CACNA2D4: variants seen among roughly 807,000 people sequenced by gnomAD.
CACNA2D4 encodes calcium voltage-gated channel auxiliary subunit alpha2delta 4, also known as voltage-dependent calcium channel subunit alpha-2/delta-4.
In CACNA2D4, 157 loss-of-function variants were observed where a neutral mutation model predicts 163.8. The ratio of observed to expected loss-of-function variants is 0.96; its 90% CI spans 0.84 to 1.09. The LOEUF (loss-of-function observed/expected upper bound fraction) is 1.09, where lower values mean the gene tolerates loss of function less well. CACNA2D4 is among the 50% of genes least tolerant of loss of function. The probability of loss-of-function intolerance (pLI) is 0.00; values close to 1 mark genes in which losing one functional copy is unlikely to be tolerated. For synonymous variants in CACNA2D4, 598 were observed against 586.9 expected (o/e 1.02, Z -0.27); for missense variants, 1,410 against 1,479.9 (o/e 0.95, Z 0.78).
chr12:1,796,544 G>A (rs994774223), intron 35 of CACNA2D4, among the ~76,000 whole-genome samples: 9 of 152,222 alleles, frequency 5.9e-5, no homozygotes, highest in African/African-American at 2.2e-4. Flanking sequence ...GAGCCCGCTG[G>A]CTCTATCCTC....
chr12:1,837,920 G>T (rs1864918380), intron 26 of CACNA2D4, among the ~76,000 whole-genome samples: 1 of 152,210 alleles, frequency 6.6e-6, no homozygotes, highest in African/African-American at 2.4e-5. Context: ...GGCTGGGCCT[G>T]TACTGAGGCT....
rs1332877584 is a variant in CACNA2D4 at position 1,843,772 on chromosome 12, C to T, written c.2470+630G>A. Among the ~76,000 whole-genome samples the T allele has an allele frequency of 6.6e-6, 1 of 152,150 alleles. No individual in the cohort carries two copies. Among genetic ancestry groups the T allele is most frequent in the Non-Finnish European group, 1.5e-5 (1 of 68,022 alleles). On this transcript the variant is annotated intron_variant, in intron 25 of 37. Coordinates refer to ENST00000382722, the MANE Select transcript of CACNA2D4 (RefSeq NM_172364.5). The surrounding 1 kb of genome is among the most constrained non-coding windows in gnomAD (Gnocchi z 4.6). ...GCTGGGGCTGGCTGGCAGTTGGGTG[C>T]CCATCAACTCTGAGAGTCTTCCTGG...
intron 4 of CACNA2D4, among the ~76,000 whole-genome samples, 168 bp from the exon 5 acceptor site, chr12:1,908,205 G>C (rs1012668856): frequency 6.6e-6 from 1 of 152,234 alleles, no homozygotes; most frequent in African/African-American, 2.4e-5. Flanking sequence ...AGGGCGATTC[G>C]GGACAAAAAT....
intron 29 of CACNA2D4, among the ~76,000 whole-genome samples, chr12:1,808,187 C>T (rs943108137): frequency 6.6e-6 from 1 of 152,058 alleles, no homozygotes; most frequent in Non-Finnish European, 1.5e-5. Flanking sequence ...CACGTGCTCT[C>T]CAGCTTCTCT....
At chr12:1,903,386 G>C (rs1866581504) in intron 6 of CACNA2D4, among the ~76,000 whole-genome samples, 1 of 151,998 alleles carries the variant, frequency 6.6e-6, no homozygotes, top group South Asian at 2.1e-4. Context: ...AAGTTAAAAA[G>C]CTTCTGCACA....
chr12:1,877,704 A>T (rs912373334), intron 16 of CACNA2D4, among the ~76,000 whole-genome samples: 1 of 152,126 alleles, frequency 6.6e-6, no homozygotes, highest in Admixed American at 6.5e-5. Flanking sequence ...TTCTCCTAGG[A>T]CTTTAGCTCC....
intron 26 of CACNA2D4, among the ~76,000 whole-genome samples, chr12:1,838,974 G>A (rs1028456677): frequency 1.3e-5 from 2 of 152,178 alleles, no homozygotes; most frequent in African/African-American, 2.4e-5. Context: ...TGGCTGCATC[G>A]CACACGACCA....
At chr12:1,836,393 T>C (rs752969266) in intron 26 of CACNA2D4, 5 of 151,828 alleles carry the variant, frequency 3.3e-5, no homozygotes, top group Non-Finnish European at 5.9e-5. Context: ...GCAGAGGGAG[T>C]TGGCAGGCCT....
At chr12:1,796,361 G>A (rs1050625688) in intron 35 of CACNA2D4, among the ~76,000 whole-genome samples, 1 of 152,260 alleles carries the variant, frequency 6.6e-6, no homozygotes, top group African/African-American at 2.4e-5. Flanking sequence ...CACCACAGCC[G>A]TGTATACTCT....
Position 1,821,720 on chromosome 12 carries a change from A to G in CACNA2D4, c.2552-9997T>C, listed in dbSNP as rs545928647. Among the ~76,000 whole-genome samples, 4 of 152,104 alleles carry G rather than the reference A, an allele frequency of 2.6e-5. No individual in the cohort carries two copies. The South Asian group carries it at 8.3e-4, about 32-fold the overall frequency. ...GGGACAGTTGCTCTCAATCCCCCAGACCCATTTGGACAGTGCTGGAGAGAG... is the reference window on the plus strand; with the variant it reads ...GGGACAGTTGCTCTCAATCCCCCAGGCCCATTTGGACAGTGCTGGAGAGAG... On this transcript the variant is annotated intron_variant, in intron 26 of 37. Coordinates refer to ENST00000382722, the MANE Select transcript of CACNA2D4 (RefSeq NM_172364.5).
intron 2 of CACNA2D4, among the ~76,000 whole-genome samples, chr12:1,914,009 T>C (rs1260259046): frequency 6.6e-6 from 1 of 152,220 alleles, no homozygotes; most frequent in African/African-American, 2.4e-5. Context: ...AGGCGGGGCC[T>C]CAGCTGTCAT....
At chr12:1,912,656 C>T (rs890868404) in intron 3 of CACNA2D4, among the ~76,000 whole-genome samples, 1 of 152,208 alleles carries the variant, frequency 6.6e-6, no homozygotes, top group Admixed American at 6.5e-5. Context: ...TCTGTCCATC[C>T]ATTCCCAAAG....
At position 1,876,746 on chromosome 12, in the gene CACNA2D4, C is replaced by T. The variant is rs139893042; in HGVS notation, c.1720-1409G>A. On this transcript the variant is annotated intron_variant, in intron 16 of 37. Transcript: ENST00000382722. The stretch of plus-strand genomic sequence containing the variant: ...TCTTGGTCTTATTAATGACCATACT[C>T]ATCAAACAGCCCTGTCCTGCCATCT... Among the ~76,000 whole-genome samples, 31 of 152,304 alleles carry T rather than the reference C, an allele frequency of 2.0e-4. 1 individual carries two copies. The East Asian group carries it at 5.8e-3, about 28-fold the overall frequency.
rs1863353925 is a variant in CACNA2D4, at chr12:1,802,049, GTGTGTGTGTGTT to G, written c.2722-417_2722-406del. ...TGTGTGTGTGTGTGTGTGTGTGTGTGTGTGTGTGTGTTGGGTCAGATATAAAACACGTTTCTG... is the reference window on the plus strand; with the variant it reads ...TGTGTGTGTGTGTGTGTGTGTGTGTGGGGTCAGATATAAAACACGTTTCTG... On this transcript the variant is annotated intron_variant, in intron 29 of 37. Coordinates refer to ENST00000382722, the MANE Select transcript of CACNA2D4 (RefSeq NM_172364.5). This position sits in a 1 kb window ranked among gnomAD's most constrained non-coding sequence, Gnocchi z 4.7. 6.8e-6 allele frequency among the ~76,000 whole-genome samples: 1 copy of G among 146,100 alleles called. No individual in the cohort carries two copies. Among genetic ancestry groups the G allele is most frequent in the African/African-American group, 2.5e-5 (1 of 39,296 alleles).
Position 1,851,735 on chromosome 12 carries a change from G to T in CACNA2D4, c.2246+2216C>A, listed in dbSNP as rs138020632. Among the ~76,000 whole-genome samples the T allele has an allele frequency of 1.9e-4, 25 of 134,226 alleles. 1 individual carries two copies. Among genetic ancestry groups the T allele is most frequent in the Middle Eastern group, 3.8e-3 (1 of 266 alleles). The allele number at this position is 134,226 out of a possible 152,430, so 88.1% of individuals were successfully genotyped here. A position where few individuals can be genotyped will look rare whatever the true frequency, so the allele number is the denominator to read the frequency against. ...GTTATTCTTGCTTGTTCTTCCAAAT[G>T]AACTTGATAATCAGTTTATCTAGAT... On this transcript the variant is annotated intron_variant, in intron 23 of 37. Coordinates refer to ENST00000382722, the MANE Select transcript of CACNA2D4 (RefSeq NM_172364.5).
rs930496957 is a variant in CACNA2D4, at chr12:1,833,295, A to G, written c.2551+7444T>C. On this transcript the variant is annotated intron_variant, in intron 26 of 37. Coordinates refer to ENST00000382722, the MANE Select transcript of CACNA2D4 (RefSeq NM_172364.5). This position sits in a 1 kb window ranked among gnomAD's most constrained non-coding sequence, Gnocchi z 4.2. ...TGGCTGCAGCCCGCATCTTTTCGGC[A>G]GGGGGTCTAGTGCCTGCATCCAGAT... is the stretch of plus-strand genomic sequence containing the variant. Among the ~76,000 whole-genome samples, 3 of 152,148 alleles carry G rather than the reference A, an allele frequency of 2.0e-5. No individual in the cohort carries two copies. Among genetic ancestry groups the G allele is most frequent in the African/African-American group, 7.2e-5 (3 of 41,438 alleles).
At chr12:1,876,796 G>GA (rs748410656) in intron 16 of CACNA2D4, among the ~76,000 whole-genome samples, 66 of 152,184 alleles carry the variant, frequency 4.3e-4, no homozygotes, top group Admixed American at 1.0e-3. Flanking sequence ...GTTTCCTTTG[G>GA]GTGGGGCTCA....
intron 3 of CACNA2D4, among the ~76,000 whole-genome samples, chr12:1,910,281 T>C (rs1437181311): frequency 6.6e-6 from 1 of 152,192 alleles, no homozygotes; most frequent in Non-Finnish European, 1.5e-5. Flanking sequence ...TTGCCAGTGG[T>C]TGGGGATTTT....
At chr12:1,826,095 G>T (rs966404785) in intron 26 of CACNA2D4, among the ~76,000 whole-genome samples, 2 of 152,096 alleles carry the variant, frequency 1.3e-5, no homozygotes, top group African/African-American at 2.4e-5. Flanking sequence ...AGGGGAGGTT[G>T]GTGGGATCGG....
Sources: gnomAD v4.1 joint callset for allele counts (sites outside exome capture counted in the v4.1 genomes callset) on GRCh38, gnomAD v4.1.1 for gene constraint, Gnocchi (gnomAD v3.1) non-coding constraint, MANE v1.5 for transcripts, NCBI Gene and HGNC (gene_info 2026-07-23, HGNC 2026-07-21) for gene names.